The following SLC9A2 variants were observed in gnomAD, a reference collection of about 807,000 sequenced individuals.
The protein encoded by SLC9A2 is solute carrier family 9 member A2, also known as sodium/hydrogen exchanger 2.
Under a neutral mutation model 71.7 loss-of-function variants are expected in SLC9A2, and 42 were observed. That is an observed-to-expected ratio of 0.59 (90% CI 0.46 to 0.76). The LOEUF is 0.76. SLC9A2 is among the 30% of genes least tolerant of loss of function. The pLI is 0.00. For synonymous variants in SLC9A2, 396 were observed against 392.5 expected, an observed-to-expected ratio of 1.01 and a Z score of -0.10; for missense variants, 829 against 1,017.4, an observed-to-expected ratio of 0.81 and a Z score of 2.52.
chr2:102,642,781 G>C (rs1676634730), intron 1 of SLC9A2, among the ~76,000 whole-genome samples: 1 of 152,148 alleles, frequency 6.6e-6, no homozygotes, highest in Admixed American at 6.5e-5. Flanking sequence ...TATGGACCTG[G>C]AGATTTTTTG....
chr2:102,697,070 A>G (rs1677781474), intron 7 of SLC9A2, among the ~76,000 whole-genome samples: 1 of 152,014 alleles, frequency 6.6e-6, no homozygotes, highest in Non-Finnish European at 1.5e-5. Flanking sequence ...CTCAACTACT[A>G]TCCTCCCTTT....
intron 5 of SLC9A2, among the ~76,000 whole-genome samples, chr2:102,690,218 G>A (rs967558085): frequency 2.0e-5 from 3 of 152,200 alleles, no homozygotes; most frequent in Non-Finnish European, 2.9e-5. Context: ...GGTTACACAG[G>A]AAGGAGAGAA....
intron 10 of SLC9A2, 89 bp downstream of exon 10, chr2:102,704,764 A>C: frequency 5.7e-6 from 8 of 1,405,022 alleles, no homozygotes; most frequent in African/African-American, 1.4e-5. Flanking sequence ...AGCTCTGCAG[A>C]TCAAGTGGCT....
intron 1 of SLC9A2, among the ~76,000 whole-genome samples, chr2:102,645,844 G>C (rs1462139297): frequency 6.6e-6 from 1 of 152,152 alleles, no homozygotes; most frequent in Non-Finnish European, 1.5e-5. Context: ...GCCTGAAAGT[G>C]ACAGGGAGAA....
At chr2:102,684,454 G>T (rs1677511349) in intron 5 of SLC9A2, 118 bp downstream of exon 5, 5 of 922,706 alleles carry the variant, frequency 5.4e-6, no homozygotes, top group Admixed American at 1.8e-5. Context: ...AATTACTAGG[G>T]AAAATGATAT....
chr2:102,625,310 T>C (rs1024298693), intron 1 of SLC9A2, among the ~76,000 whole-genome samples: 3 of 152,184 alleles, frequency 2.0e-5, no homozygotes, highest in Non-Finnish European at 4.4e-5. Flanking sequence ...CCCTTTAAAA[T>C]AATAGATTTT....
Position 102,709,050 on chromosome 2 carries a change from A to G in SLC9A2, c.*561A>G, listed in dbSNP as rs1197353742. The stretch of plus-strand genomic sequence containing the variant: ...TGGAAGCAGAGACACCTTATGACTC[A>G]AACTGGGCAAACAATCGGAACGTCA... On this transcript the variant is annotated 3_prime_UTR_variant, in exon 12 of 12. Transcript: ENST00000233969. 6.5e-6 allele frequency: 1 copy of G among 153,496 alleles called. No homozygotes were observed. Among genetic ancestry groups the G allele is most frequent in the African/African-American group, 2.4e-5 (1 of 41,458 alleles). The allele number at this position is 153,496 out of a possible 1,614,324, so 9.5% of individuals were successfully genotyped here.
chr2:102,623,207 T>G (rs1448677727), intron 1 of SLC9A2, among the ~76,000 whole-genome samples: 1 of 152,200 alleles, frequency 6.6e-6, no homozygotes, highest in Non-Finnish European at 1.5e-5. Context: ...CTCTGGCTAC[T>G]ACTTTACCTT....
chr2:102,631,995 G>GAGATATATATAT (rs1379688833), intron 1 of SLC9A2, among the ~76,000 whole-genome samples: 1 of 43,230 alleles, frequency 2.3e-5, no homozygotes, highest in African/African-American at 8.0e-5. Flanking sequence ...TGAAAGTGGG[G>GAGATATATATAT]ATATATATAT....
At chr2:102,670,252 G>A (rs919000173) in intron 3 of SLC9A2, among the ~76,000 whole-genome samples, 4 of 151,230 alleles carry the variant, frequency 2.6e-5, no homozygotes, top group East Asian at 2.0e-4. Flanking sequence ...TCCTGACCTC[G>A]TGATCCGCCC....
At position 102,664,967 on chromosome 2, in the gene SLC9A2, T is replaced by C. The variant is rs1011991691; in HGVS notation, c.754-133T>C. The C allele has an allele frequency of 6.4e-6, 6 of 930,588 alleles. No individual in the cohort carries two copies. In the Admixed American group the frequency reaches 9.4e-5, roughly 15 times the overall value. 57.6% of individuals were successfully genotyped at this position (930,588 alleles called of 1,614,324 possible). A position where few individuals can be genotyped will look rare whatever the true frequency, so the allele number is the denominator to read the frequency against. On this transcript the variant is annotated intron_variant, in intron 2 of 11. Coordinates refer to ENST00000233969, the MANE Select transcript of SLC9A2 (RefSeq NM_003048.6). ...AAATATGAGACAAATGAATACACAA[T>C]GATTGTCATTTTCCTACTTGGGTAC...
At chr2:102,637,858 T>TA (rs1318861893) in intron 1 of SLC9A2, among the ~76,000 whole-genome samples, 3 of 152,212 alleles carry the variant, frequency 2.0e-5, no homozygotes, top group Non-Finnish European at 4.4e-5. Context: ...GGAAGGAGTC[T>TA]AAAAAGATAG....
At chr2:102,659,152 C>T (rs1677002039) in intron 2 of SLC9A2, among the ~76,000 whole-genome samples, 1 of 151,886 alleles carries the variant, frequency 6.6e-6, no homozygotes, top group Non-Finnish European at 1.5e-5. Context: ...GGTGCAGAGG[C>T]TCATGCCTAT....
chr2:102,636,429 CAAT>C, intron 1 of SLC9A2, among the ~76,000 whole-genome samples: 1 of 152,114 alleles, frequency 6.6e-6, no homozygotes, highest in Non-Finnish European at 1.5e-5. Flanking sequence ...CAATTACTGG[CAAT>C]TGTGGGTTCC....
chr2:102,674,858 T>C (rs1056368261), intron 3 of SLC9A2, among the ~76,000 whole-genome samples: 3 of 152,168 alleles, frequency 2.0e-5, no homozygotes, highest in Admixed American at 2.0e-4. Flanking sequence ...AAGGCTTCCT[T>C]CTAGTTGGTT....
chr2:102,634,487 T>G (rs1464888526), intron 1 of SLC9A2, among the ~76,000 whole-genome samples: 1 of 152,182 alleles, frequency 6.6e-6, no homozygotes, highest in African/African-American at 2.4e-5. Flanking sequence ...CAGTTGCTAC[T>G]TTATAGACCT....
chr2:102,708,120 T>C lies in SLC9A2; in HGVS notation c.2070T>C (p.Asp690=), dbSNP rs773451903. ...LQKRRTISIA[D]GNSSDSDADA... Reference sequence around the variant, plus strand: ...ACCTTGTCTTTTGCTCCGTGATAGATGGCAATAGCAGCGACTCAGACGCAG... The same window carrying C: ...ACCTTGTCTTTTGCTCCGTGATAGACGGCAATAGCAGCGACTCAGACGCAG... Residue 690 remains aspartate (D), a splice_region_variant and synonymous_variant, in exon 12 of 12, where the codon GAT becomes GAC. Coordinates refer to ENST00000233969, the MANE Select transcript of SLC9A2 (RefSeq NM_003048.6). 14 of 1,609,144 alleles carry C rather than the reference T, an allele frequency of 8.7e-6. No homozygotes were observed. In the East Asian group the frequency reaches 2.5e-4, roughly 28 times the overall value.
chr2:102,695,261 G>A, intron 7 of SLC9A2, 148 bp downstream of exon 7: 1 of 604,156 alleles, frequency 1.7e-6, no homozygotes, highest in Non-Finnish European at 2.9e-6. Flanking sequence ...CTATAACAGA[G>A]ATGTGGAATA....
intron 1 of SLC9A2, among the ~76,000 whole-genome samples, chr2:102,627,258 A>T (rs1676268557): frequency 6.6e-6 from 1 of 152,158 alleles, no homozygotes; most frequent in Admixed American, 6.5e-5. Context: ...AGTTACAGTG[A>T]TCTGCGATGA....
Sources: gnomAD v4.1 joint callset for allele counts (sites outside exome capture counted in the v4.1 genomes callset) on GRCh38, gnomAD v4.1.1 for gene constraint, MANE v1.5 for transcripts, NCBI Gene and HGNC (gene_info 2026-07-23, HGNC 2026-07-21) for gene names.